The following CADM2 variants were observed in gnomAD, a reference collection of about 807,000 sequenced individuals.
The protein encoded by CADM2 is cell adhesion molecule 2.
A neutral mutation model predicts 49.8 loss-of-function variants in CADM2; 12 were observed. That is an observed-to-expected ratio of 0.24 (90% CI 0.15 to 0.39). CADM2 has a LOEUF of 0.39. Ranked by LOEUF, CADM2 falls within the 10% of genes least tolerant of loss-of-function variation. The pLI, the probability that CADM2 is intolerant of heterozygous loss-of-function variation, is 1.00. For synonymous variants in CADM2, 214 were observed against 175.4 expected, an observed-to-expected ratio of 1.22 and a Z score of -1.74; for missense variants, 378 against 492.3, an observed-to-expected ratio of 0.77 and a Z score of 2.20.
At chr3:86,063,998 T>C (rs1186101343) in intron 8 of CADM2, among the ~76,000 whole-genome samples, 2 of 152,052 alleles carry the variant, frequency 1.3e-5, no homozygotes, top group Admixed American at 6.6e-5. Flanking sequence ...AACTTTTGAG[T>C]GCCCAAATGT....
At chr3:85,643,403 TTTTG>T (rs1356772974) in intron 1 of CADM2, among the ~76,000 whole-genome samples, 2 of 152,316 alleles carry the variant, frequency 1.3e-5, no homozygotes, top group South Asian at 2.1e-4. Flanking sequence ...TATATTCCAA[TTTTG>T]TTTTACACTG....
intron 7 of CADM2, among the ~76,000 whole-genome samples, chr3:85,947,874 C>T (rs1237160997): frequency 6.6e-6 from 1 of 151,352 alleles, no homozygotes; most frequent in Non-Finnish European, 1.5e-5. Context: ...GATTATAGAT[C>T]CATAGAGGAA....
At chr3:84,995,785 T>G (rs1314361146) in intron 1 of CADM2, among the ~76,000 whole-genome samples, 5 of 152,164 alleles carry the variant, frequency 3.3e-5, no homozygotes, top group Non-Finnish European at 7.3e-5. Flanking sequence ...CACAACTGGC[T>G]TTTTAGCTTG....
intron 1 of CADM2, among the ~76,000 whole-genome samples, chr3:84,976,550 A>T (rs2031832828): frequency 6.6e-6 from 1 of 151,802 alleles, no homozygotes; most frequent in African/African-American, 2.4e-5. Flanking sequence ...AACCACTTAT[A>T]TTTGGTGATA....
chr3:85,853,967 G>C (rs1195005346), intron 3 of CADM2, among the ~76,000 whole-genome samples: 3 of 152,116 alleles, frequency 2.0e-5, no homozygotes, highest in African/African-American at 7.2e-5. Context: ...GCTTTGTGGT[G>C]ATGTAATGAT....
intron 1 of CADM2, among the ~76,000 whole-genome samples, chr3:85,606,613 A>G (rs1438735064): frequency 6.6e-6 from 1 of 152,116 alleles, no homozygotes; most frequent in Non-Finnish European, 1.5e-5. Context: ...GCTACAGGCA[A>G]TCAGAGAATC....
At chr3:85,599,883 T>C (rs1253077247) in intron 1 of CADM2, among the ~76,000 whole-genome samples, 3 of 144,722 alleles carry the variant, frequency 2.1e-5, no homozygotes, top group African/African-American at 7.6e-5. Context: ...TTTAAAAATT[T>C]ATTTTTAACC....
chr3:85,402,077 T>C (rs1232989230), intron 1 of CADM2, among the ~76,000 whole-genome samples: 1 of 152,150 alleles, frequency 6.6e-6, no homozygotes, highest in Non-Finnish European at 1.5e-5. Context: ...TTTTTGGATC[T>C]TTTATAATTA....
At chr3:85,152,486 CAG>C (rs2039955982) in intron 1 of CADM2, among the ~76,000 whole-genome samples, 1 of 152,158 alleles carries the variant, frequency 6.6e-6, no homozygotes, top group South Asian at 2.1e-4. Context: ...TCCCATTCCT[CAG>C]AGAGCAGATT....
At chr3:85,625,543 A>G (rs1309897660) in intron 1 of CADM2, among the ~76,000 whole-genome samples, 5 of 151,858 alleles carry the variant, frequency 3.3e-5, no homozygotes, top group Non-Finnish European at 5.9e-5. Context: ...GTACTTATGC[A>G]CTCTTTCAAC....
intron 7 of CADM2, among the ~76,000 whole-genome samples, chr3:85,951,407 C>T (rs1394627294): frequency 6.6e-6 from 1 of 150,870 alleles, no homozygotes; most frequent in Non-Finnish European, 1.5e-5. Context: ...TTATTCAATC[C>T]TCTCCTTCCA....
At chr3:85,964,812 A>G (rs1321982508) in intron 8 of CADM2, among the ~76,000 whole-genome samples, 2 of 151,800 alleles carry the variant, frequency 1.3e-5, no homozygotes, top group Non-Finnish European at 2.9e-5. Context: ...TGGTAGCCAT[A>G]ATTATACTAA....
At chr3:85,469,830 C>A (rs2038687635) in intron 1 of CADM2, among the ~76,000 whole-genome samples, 1 of 152,142 alleles carries the variant, frequency 6.6e-6, no homozygotes, top group South Asian at 2.1e-4. Context: ...TTGCAGGTGC[C>A]TACAACTCTA....
At chr3:85,898,948 TATA>T in intron 5 of CADM2, among the ~76,000 whole-genome samples, 1 of 59,438 alleles carries the variant, frequency 1.7e-5, no homozygotes, top group African/African-American at 6.5e-5. Context: ...TATATATATA[TATA>T]TATATTTTTT....
chr3:85,104,324 T>C (rs1343864880), intron 1 of CADM2, among the ~76,000 whole-genome samples: 3 of 151,680 alleles, frequency 2.0e-5, no homozygotes, highest in Non-Finnish European at 4.4e-5. Flanking sequence ...CCATTGCTTG[T>C]TTTTCTCAGG....
At chr3:85,985,949 T>C (rs147947602) in intron 8 of CADM2, among the ~76,000 whole-genome samples, 36 of 152,024 alleles carry the variant, frequency 2.4e-4, no homozygotes, top group African/African-American at 8.7e-4. Flanking sequence ...TACGAAAGAG[T>C]TTCATTTATA....
chr3:85,999,502 CAAAAAAAAGAAAAGA>C, intron 8 of CADM2, among the ~76,000 whole-genome samples: 1 of 110,912 alleles, frequency 9.0e-6, no homozygotes, highest in East Asian at 3.0e-4. Flanking sequence ...TAGACTCTGT[CAAAAAAAAGAAAAGA>C]AAAAGAAAGA....
chr3:85,979,326 TG>T, intron 8 of CADM2: 1 of 1,595,160 alleles, frequency 6.3e-7, no homozygotes, highest in Non-Finnish European at 8.6e-7. Flanking sequence ...GCACATTAAC[TG>T]GAGCTCTGTA....
At chr3:85,335,325 C>T (rs1576368316) in intron 1 of CADM2, among the ~76,000 whole-genome samples, 1 of 151,496 alleles carries the variant, frequency 6.6e-6, no homozygotes, top group African/African-American at 2.4e-5. Flanking sequence ...TTGCACTTGG[C>T]TCCAATAAAC....
Sources: allele counts gnomAD v4.1 joint callset (sites outside exome capture counted in the v4.1 genomes callset), GRCh38; gene constraint gnomAD v4.1.1; transcripts MANE v1.5; gene names NCBI Gene and HGNC (gene_info 2026-07-23, HGNC 2026-07-21).